THADA: variants seen among roughly 807,000 people sequenced by gnomAD.
THADA encodes tRNA (32-2'-O)-methyltransferase regulator THADA.
A neutral mutation model predicts 219.8 loss-of-function variants in THADA; 213 were observed. The ratio of observed to expected loss-of-function variants is 0.97; its 90% CI spans 0.87 to 1.09. THADA has a LOEUF of 1.09. Among genes scored for constraint, THADA ranks in the 50% least tolerant of loss-of-function variants. THADA has a pLI of 0.00. For synonymous variants in THADA, 1,018 were observed against 828.9 expected (o/e 1.23, Z -3.92); for missense variants, 2,956 against 2,311.3 (o/e 1.28, Z -5.72).
intron 1 of THADA, among the ~76,000 whole-genome samples, chr2:43,594,482 G>A (rs1701930380): frequency 2.0e-5 from 3 of 152,100 alleles, no homozygotes; most frequent in Admixed American, 2.0e-4. Context: ...TACTCCGGAG[G>A]CTGAGGCAGG....
intron 24 of THADA, 34 bp from the exon 25 acceptor site, chr2:43,498,989 G>A: frequency 6.5e-7 from 1 of 1,543,244 alleles, no homozygotes; most frequent in Non-Finnish European, 8.7e-7. Flanking sequence ...GTTGTGGGTT[G>A]AAAACCATGG....
chr2:43,556,181 G>A, intron 17 of THADA, 164 bp downstream of exon 17: 1 of 1,363,790 alleles, frequency 7.3e-7, no homozygotes, highest in Non-Finnish European at 9.6e-7. Flanking sequence ...TATTATAGCT[G>A]ACTAAAATGT....
chr2:43,485,528 A>G (rs377644864), intron 25 of THADA, among the ~76,000 whole-genome samples: 26 of 152,130 alleles, frequency 1.7e-4, no homozygotes, highest in African/African-American at 5.6e-4. Context: ...CTACAACCCA[A>G]TCACATGCAC....
At chr2:43,578,893 G>A (rs565712663) in intron 8 of THADA, among the ~76,000 whole-genome samples, 2 of 152,154 alleles carry the variant, frequency 1.3e-5, no homozygotes, top group African/African-American at 2.4e-5. Context: ...GTGTAGTAGC[G>A]TGACCTCAGC....
At position 43,571,873 on chromosome 2, in the gene THADA, T is replaced by A. The variant is rs1458834993; in HGVS notation, c.1909-11A>T. On this transcript the variant is annotated splice_polypyrimidine_tract_variant and intron_variant, in intron 12 of 37. Coordinates refer to ENST00000405975, the MANE Select transcript of THADA (RefSeq NM_022065.5). ...TGTATCTATCCTTACCTAAAAAACA[T>A]CAAGCAATAAAATGTTAATTTTCCA... The A allele has an allele frequency of 6.2e-7, 1 of 1,610,354 alleles. No individual in the cohort carries two copies. Among genetic ancestry groups the A allele is most frequent in the Non-Finnish European group, 8.5e-7 (1 of 1,178,450 alleles).
intron 29 of THADA, among the ~76,000 whole-genome samples, chr2:43,391,545 T>A (rs879709823): frequency 6.6e-6 from 1 of 152,170 alleles, no homozygotes; most frequent in Non-Finnish European, 1.5e-5. Context: ...TGGGCTTATA[T>A]CCAGAAAGGA....
intron 14 of THADA, among the ~76,000 whole-genome samples, chr2:43,567,056 T>C (rs1206323703): frequency 6.6e-6 from 1 of 151,906 alleles, no homozygotes; most frequent in Admixed American, 6.6e-5. Context: ...GAAGTACAAT[T>C]TCTATTGTAG....
intron 25 of THADA, among the ~76,000 whole-genome samples, chr2:43,492,973 T>C (rs1414084001): frequency 1.3e-5 from 2 of 152,156 alleles, no homozygotes; most frequent in Non-Finnish European, 2.9e-5. Context: ...GCACAGTGAA[T>C]AGAGCACAGC....
intron 26 of THADA, among the ~76,000 whole-genome samples, chr2:43,438,314 A>C (rs991264622): frequency 1.3e-5 from 2 of 151,748 alleles, no homozygotes; most frequent in African/African-American, 4.8e-5. Flanking sequence ...AAAAAAAAAA[A>C]AAAACCCAAA....
intron 16 of THADA, among the ~76,000 whole-genome samples, chr2:43,559,276 T>G (rs1445724858): frequency 1.3e-5 from 2 of 152,122 alleles, no homozygotes; most frequent in East Asian, 3.9e-4. Context: ...TACAGCAACT[T>G]CCAATATGGA....
At chr2:43,510,089 T>G (rs988513015) in intron 22 of THADA, among the ~76,000 whole-genome samples, 1 of 152,224 alleles carries the variant, frequency 6.6e-6, no homozygotes, top group African/African-American at 2.4e-5. Flanking sequence ...AGAGGAAATT[T>G]ATATACGTAC....
At chr2:43,474,780 G>C (rs2104975488) in intron 26 of THADA, among the ~76,000 whole-genome samples, 1 of 152,322 alleles carries the variant, frequency 6.6e-6, no homozygotes, top group East Asian at 1.9e-4. Flanking sequence ...AGATGAAGAT[G>C]TCTGAAGAGT....
chr2:43,377,476 T>C (rs1671511180), intron 29 of THADA, among the ~76,000 whole-genome samples: 1 of 152,066 alleles, frequency 6.6e-6, no homozygotes, highest in South Asian at 2.1e-4. Context: ...AGAAGGAACT[T>C]AGAGCCAGGG....
chr2:43,290,248 A>G (rs1674531356), intron 34 of THADA, among the ~76,000 whole-genome samples: 1 of 150,970 alleles, frequency 6.6e-6, no homozygotes, highest in African/African-American at 2.4e-5. Flanking sequence ...CTGGGATTAC[A>G]GGTGTGAACC....
At chr2:43,495,642 T>C (rs1688176615) in intron 25 of THADA, among the ~76,000 whole-genome samples, 2 of 152,256 alleles carry the variant, frequency 1.3e-5, no homozygotes, top group South Asian at 4.2e-4. Flanking sequence ...AATGAATCAC[T>C]CATTTCTGAT....
rs560322443 is a variant in THADA at position 43,570,769 on chromosome 2, T to C, written c.2065-259A>G. Among the ~76,000 whole-genome samples, 16 of 152,346 alleles carry C rather than the reference T, an allele frequency of 1.1e-4. No homozygotes were observed. The South Asian group carries it at 3.1e-3, about 30-fold the overall frequency. The stretch of plus-strand genomic sequence containing the variant: ...ACAAACCTGAAGATGATTTAGTCAT[T>C]TCCCTACTTTACCAATTCTTCACCC... On this transcript the variant is annotated intron_variant, in intron 13 of 37. Transcript: ENST00000405975.
At chr2:43,400,455 ATT>A (rs1491502712) in intron 28 of THADA, among the ~76,000 whole-genome samples, 6 of 134,862 alleles carry the variant, frequency 4.4e-5, no homozygotes, top group African/African-American at 1.4e-4. Context: ...TCATAGACAA[ATT>A]TATATATATA....
In THADA at chr2:43,230,958, G is replaced by A. The variant is rs114015985; in HGVS notation, c.5852C>T (p.Ala1951Val). Residue 1951 changes from alanine to valine, a missense_variant, in exon 38 of 38, where the codon GCG (alanine) becomes GTG (valine). Coordinates refer to ENST00000405975, the MANE Select transcript of THADA (RefSeq NM_022065.5). The stretch of plus-strand genomic sequence containing the variant: ...TCCCCCAGATTTTCTTCAACATGCC[G>A]CTTCTGTTCTTGGAAGAGTTAACTG... ...SRQLTLPRTE[A>V]AC 206 of 1,604,154 alleles carry A rather than the reference G, an allele frequency of 1.3e-4. No individual in the cohort carries two copies. The highest frequency in any genetic ancestry group is 2.0e-4 in the East Asian group (9 of 44,594).
chr2:43,534,003 T>C (rs1351860506), intron 21 of THADA, among the ~76,000 whole-genome samples: 5 of 152,152 alleles, frequency 3.3e-5, no homozygotes, highest in African/African-American at 9.7e-5. Flanking sequence ...AGTTTAGTAA[T>C]ATGGATGAAT....
Sources: gnomAD v4.1 joint callset for allele counts (sites outside exome capture counted in the v4.1 genomes callset) on GRCh38, gnomAD v4.1.1 for gene constraint, MANE v1.5 for transcripts, NCBI Gene and HGNC (gene_info 2026-07-23, HGNC 2026-07-21) for gene names.